Variants in PEX7 observed in about 807,000 individuals in gnomAD.
PEX7 encodes the protein peroxisomal biogenesis factor 7, also known as PTS2 receptor.
A neutral mutation model predicts 47.5 loss-of-function variants in PEX7; 34 were observed. The observed-to-expected ratio is 0.72, with a 90% confidence interval of 0.54 to 0.95. The LOEUF (loss-of-function observed/expected upper bound fraction) is 0.95. PEX7 is among the 40% of genes least tolerant of loss of function. The probability of loss-of-function intolerance (pLI) is 0.00; values close to 1 mark genes in which losing one functional copy is unlikely to be tolerated. For missense variants in PEX7, 394 were observed against 400.3 expected (o/e 0.98, Z 0.13); for synonymous variants, 141 against 148.8 (o/e 0.95, Z 0.38).
chr6:136,845,743 T>C (rs745922509), intron 4 of PEX7, 51 bp downstream of exon 4: 52 of 1,107,368 alleles, frequency 4.7e-5, no homozygotes, highest in Admixed American at 6.7e-5. Context: ...CTCTAGAGCT[T>C]CCACTAAATT....
chr6:136,857,912 C>G (rs1467318974), intron 5 of PEX7, among the ~76,000 whole-genome samples: 1 of 152,160 alleles, frequency 6.6e-6, no homozygotes, highest in Non-Finnish European at 1.5e-5. Flanking sequence ...ACCTCTGCCT[C>G]CTGGGCTCAA....
At position 136,869,103 on chromosome 6, in the gene PEX7, G is replaced by C. The variant is rs556202951; in HGVS notation, c.634-787G>C. 1.4e-4 allele frequency among the ~76,000 whole-genome samples: 22 copies of C among 152,134 alleles called. No individual in the cohort carries two copies. The South Asian group carries it at 4.6e-3, about 32-fold the overall frequency. On this transcript the variant is annotated intron_variant, in intron 6 of 9. Transcript: ENST00000318471. ...ATGTTGAAACCCTTTTTGTTTGTTTGTTTTTTAGAGATGAGGTCTCACTGT... is the reference window on the plus strand; with the variant it reads ...ATGTTGAAACCCTTTTTGTTTGTTTCTTTTTTAGAGATGAGGTCTCACTGT...
Position 136,822,618 on chromosome 6 carries a change from G to A in PEX7, c.-48G>A, listed in dbSNP as rs1276742539. ...ACCGCGCCAGTGTGCCTCCGACTCG[G>A]AACGGCTTCCGCGGCCGGGGCAGCG... On this transcript the variant is annotated 5_prime_UTR_variant, in exon 1 of 10. Transcript: ENST00000318471. 6 of 1,508,808 alleles carry A rather than the reference G, an allele frequency of 4.0e-6. No individual in the cohort carries two copies. The highest frequency in any genetic ancestry group is 2.0e-5 in the Admixed American group (1 of 50,588). The allele number at this position is 1,508,808 out of a possible 1,614,324, so 93.5% of individuals were successfully genotyped here. A position where few individuals can be genotyped will look rare whatever the true frequency, so the allele number is the denominator to read the frequency against.
At chr6:136,841,317 T>C (rs953526147) in intron 3 of PEX7, among the ~76,000 whole-genome samples, 7 of 152,172 alleles carry the variant, frequency 4.6e-5, no homozygotes, top group African/African-American at 1.4e-4. Context: ...CTCCAGTCTT[T>C]CACTTTTGTT....
chr6:136,900,935 G>A lies in PEX7; in HGVS notation c.903+2694G>A. The A allele has an allele frequency of 4.5e-6, 1 of 224,388 alleles. No homozygotes were observed. The highest frequency in any genetic ancestry group is 8.9e-6 in the Non-Finnish European group (1 of 112,068). 13.9% of individuals were successfully genotyped at this position (224,388 alleles called of 1,614,324 possible). A position where few individuals can be genotyped will look rare whatever the true frequency, so the allele number is the denominator to read the frequency against. ...GGCCTGGGTGAACTGGTTCATCACA[G>A]GAGGCACTTTTAGGCTCTTGTAGAG... On this transcript the variant is annotated intron_variant, in intron 9 of 9. Coordinates refer to ENST00000318471, the MANE Select transcript of PEX7 (RefSeq NM_000288.4). This position sits in a 1 kb window ranked among gnomAD's most constrained non-coding sequence, Gnocchi z 4.2.
chr6:136,854,185 A>G (rs1774814445), intron 5 of PEX7, among the ~76,000 whole-genome samples: 1 of 152,022 alleles, frequency 6.6e-6, no homozygotes, highest in East Asian at 1.9e-4. Flanking sequence ...ACTTGAGTTA[A>G]TCATCTTTTA....
At chr6:136,827,046 G>T (rs1774205452) in intron 3 of PEX7, among the ~76,000 whole-genome samples, 1 of 152,140 alleles carries the variant, frequency 6.6e-6, no homozygotes, top group Non-Finnish European at 1.5e-5. Context: ...TGAACATAAA[G>T]ACATCCTCTT....
At chr6:136,822,886 C>T (rs868228512) in intron 1 of PEX7, 91 bp downstream of exon 1, 19 of 1,223,820 alleles carry the variant, frequency 1.6e-5, no homozygotes, top group African/African-American at 6.3e-5. Flanking sequence ...GGGAAAGCCC[C>T]TCTGAGCGTA....
In PEX7 at chr6:136,826,307, T is replaced by C; in HGVS notation, c.189-12T>C. ...GTTGTATTTTTTTGTTGTTTGTTTT[T>C]TCCTAGTGTAGCTTTGACTGGAATG... is the stretch of plus-strand genomic sequence containing the variant. On this transcript the variant is annotated splice_polypyrimidine_tract_variant and intron_variant, in intron 2 of 9. Transcript: ENST00000318471. The C allele has an allele frequency of 6.2e-7, 1 of 1,613,884 alleles. No homozygotes were observed. The highest frequency in any genetic ancestry group is 8.5e-7 in the Non-Finnish European group (1 of 1,180,002).
chr6:136,846,122 GTAT>G lies in PEX7; in HGVS notation c.472_474del (p.Ile158del), dbSNP rs779852596. The stretch of plus-strand genomic sequence containing the variant: ...CTGTGCACCTTTAGAGGCCATGAAA[GTAT>G]TATTTATAGCACAATCTGGTCTCCC... On this transcript the variant is annotated inframe_deletion, in exon 5 of 10. Coordinates refer to ENST00000318471, the MANE Select transcript of PEX7 (RefSeq NM_000288.4). 2 of 1,613,722 alleles carry G rather than the reference GTAT, an allele frequency of 1.2e-6. No homozygotes were observed. The highest frequency in any genetic ancestry group is 1.7e-6 in the Non-Finnish European group (2 of 1,179,732).
At chr6:136,856,288 A>C (rs1024728966) in intron 5 of PEX7, among the ~76,000 whole-genome samples, 9 of 146,164 alleles carry the variant, frequency 6.2e-5, no homozygotes, top group African/African-American at 2.3e-4. Flanking sequence ...CTTTGGTTGA[A>C]AGTAAAAAAA....
At chr6:136,899,335 C>G (rs1013427094) in intron 9 of PEX7, among the ~76,000 whole-genome samples, 2 of 152,012 alleles carry the variant, frequency 1.3e-5, no homozygotes, top group African/African-American at 4.8e-5. Context: ...CTTCGCCTCC[C>G]GGATTCAAGT....
rs200074861 is a variant in PEX7 at position 136,904,104 on chromosome 6, TAGA to T, written c.903+5867_903+5869del. 3.7e-3 allele frequency among the ~76,000 whole-genome samples: 556 copies of T among 152,326 alleles called. 14 individuals carry two copies. In the South Asian group the frequency reaches 0.041, roughly 11 times the overall value. On this transcript the variant is annotated intron_variant, in intron 9 of 9. Transcript: ENST00000318471. ...TTAATGAGTTTAGAAAATTGGATTT[TAGA>T]AGATGGCAAGCATTATTGGTAGTTA...
chr6:136,872,125 A>C, intron 7 of PEX7, 73 bp from the exon 8 acceptor site: 9 of 1,196,192 alleles, frequency 7.5e-6, no homozygotes, highest in Non-Finnish European at 1.1e-5. Context: ...TGTTTATGGA[A>C]TGATCATAGA....
Position 136,904,372 on chromosome 6 carries a change from A to G in PEX7, c.903+6131A>G, listed in dbSNP as rs116055037. Among the ~76,000 whole-genome samples the G allele has an allele frequency of 9.2e-3, 1,394 of 152,306 alleles. 28 individuals carry two copies. The highest frequency in any genetic ancestry group is 0.031 in the African/African-American group (1,301 of 41,572). On this transcript the variant is annotated intron_variant, in intron 9 of 9. Coordinates refer to ENST00000318471, the MANE Select transcript of PEX7 (RefSeq NM_000288.4). ...TTTCCCAGTTCCAGCTCTGTAGGAT[A>G]TCAGTGTGCTCCTTAGATGGATGGT...
intron 2 of PEX7, 148 bp downstream of exon 2, chr6:136,825,419 G>A (rs1362654588): frequency 2.9e-6 from 2 of 679,842 alleles, no homozygotes; most frequent in Non-Finnish European, 5.1e-6. Context: ...TTAGCTGATT[G>A]TGGTGGTGCG....
At chr6:136,910,533 A>G (rs9389449) in intron 9 of PEX7, among the ~76,000 whole-genome samples, 78,910 of 151,954 alleles carry the variant, frequency 0.52, 20,519 homozygotes, top group South Asian at 0.58. Context: ...GAGAAATGAA[A>G]TGGGAACAAC....
At chr6:136,849,835 C>G (rs535214126) in intron 5 of PEX7, among the ~76,000 whole-genome samples, 5 of 152,222 alleles carry the variant, frequency 3.3e-5, no homozygotes, top group African/African-American at 9.6e-5. Flanking sequence ...TTCAGTTGAT[C>G]TGGGGTGGAG....
At chr6:136,860,409 C>CT (rs386408726) in intron 5 of PEX7, among the ~76,000 whole-genome samples, 40,031 of 113,880 alleles carry the variant, frequency 0.35, 7,125 homozygotes, top group Non-Finnish European at 0.41. Flanking sequence ...AGCCATGGCT[C>CT]TTTTTTTTTT....
Sources: gnomAD v4.1 joint callset for allele counts (sites outside exome capture counted in the v4.1 genomes callset) on GRCh38, gnomAD v4.1.1 for gene constraint, Gnocchi (gnomAD v3.1) non-coding constraint, MANE v1.5 for transcripts, NCBI Gene and HGNC (gene_info 2026-07-23, HGNC 2026-07-21) for gene names.